The following FAM13A variants were observed in gnomAD, a reference collection of about 807,000 sequenced individuals.
FAM13A encodes protein FAM13A.
Under a neutral mutation model 129.6 loss-of-function variants are expected in FAM13A, and 76 were observed. The observed-to-expected ratio is 0.59, with a 90% confidence interval of 0.49 to 0.71. FAM13A has a LOEUF of 0.71. Among genes scored for constraint, FAM13A ranks in the 30% least tolerant of loss-of-function variants. FAM13A has a pLI of 0.00. For missense variants in FAM13A, 1,108 were observed against 1,249.3 expected (o/e 0.89, Z 1.70); for synonymous variants, 443 against 449.9 (o/e 0.98, Z 0.20).
intron 6 of FAM13A, among the ~76,000 whole-genome samples, chr4:88,894,607 A>C (rs1488962416): frequency 6.6e-6 from 1 of 152,178 alleles, no homozygotes; most frequent in East Asian, 1.9e-4. Context: ...CTGCAACCTC[A>C]GCCTCCCAGG....
chr4:88,726,201 A>G lies in FAM13A; in HGVS notation c.*2332T>C, dbSNP rs781015843. The G allele has an allele frequency of 2.6e-5, 4 of 152,194 alleles. No individual in the cohort carries two copies. Among genetic ancestry groups the G allele is most frequent in the African/African-American group, 4.8e-5 (2 of 41,446 alleles). 9.4% of individuals were successfully genotyped at this position (152,194 alleles called of 1,614,324 possible). ...ACACATCTCCCTCGGCAGAGCCAGA[A>G]ACCACTGACTGACTGACTAACAAAC... On this transcript the variant is annotated 3_prime_UTR_variant, in exon 24 of 24. Transcript: ENST00000264344.
intron 6 of FAM13A, among the ~76,000 whole-genome samples, chr4:88,858,643 G>A (rs1180973994): frequency 6.6e-6 from 1 of 152,110 alleles, no homozygotes; most frequent in Non-Finnish European, 1.5e-5. Flanking sequence ...AGAAACAAAA[G>A]GACACATATT....
chr4:88,961,347 CTTTTTTTTTTTTTTTTTTTTTTTT>C (rs773764813), intron 4 of FAM13A, among the ~76,000 whole-genome samples: 18 of 55,426 alleles, frequency 3.2e-4, no homozygotes, highest in Non-Finnish European at 5.4e-4. Flanking sequence ...TGGAATTTGC[CTTTTTTTTTTTTTTTTTTTTTTTT>C]TTTTTTTTTT....
Position 88,752,685 on chromosome 4 carries a change from C to T in FAM13A, c.1727-2048G>A, listed in dbSNP as rs181058786. On this transcript the variant is annotated intron_variant, in intron 14 of 23. Coordinates refer to ENST00000264344, the MANE Select transcript of FAM13A (RefSeq NM_014883.4). The stretch of plus-strand genomic sequence containing the variant: ...CTAAGTGGTAGGACTTGGGCACAAG[C>T]AGCTCAAAACGCCAACATAAAAGAA... Among the ~76,000 whole-genome samples the T allele has an allele frequency of 4.9e-3, 750 of 152,172 alleles. 2 individuals carry two copies. Among genetic ancestry groups the T allele is most frequent in the Middle Eastern group, 0.014 (4 of 294 alleles).
chr4:88,906,243 G>A (rs1258121671), intron 6 of FAM13A, 136 bp downstream of exon 6: 2 of 626,240 alleles, frequency 3.2e-6, no homozygotes, highest in African/African-American at 1.9e-5. Context: ...AGCTGAGATT[G>A]CGCCACTGCA....
chr4:88,904,697 G>C lies in FAM13A; in HGVS notation c.843+1682C>G, dbSNP rs956921536. 2.6e-5 allele frequency among the ~76,000 whole-genome samples: 4 copies of C among 152,140 alleles called. No homozygotes were observed. The East Asian group carries it at 7.7e-4, about 29-fold the overall frequency. On this transcript the variant is annotated intron_variant, in intron 6 of 23. Transcript: ENST00000264344. ...ATACCTAGGTGATGGTAGGAGATCTGTGCAGCAAACCACCATGGCACACCT... is the reference window on the plus strand; with the variant it reads ...ATACCTAGGTGATGGTAGGAGATCTCTGCAGCAAACCACCATGGCACACCT...
At chr4:89,010,261 T>C (rs148760899) in intron 3 of FAM13A, among the ~76,000 whole-genome samples, 1 of 152,324 alleles carries the variant, frequency 6.6e-6, no homozygotes, top group East Asian at 1.9e-4. Flanking sequence ...TCTGTCCCCA[T>C]TCCTTTGGAG....
chr4:89,030,149 A>G (rs1465789368), intron 1 of FAM13A, among the ~76,000 whole-genome samples: 3 of 152,102 alleles, frequency 2.0e-5, no homozygotes, highest in Non-Finnish European at 2.9e-5. Context: ...ATTTGATTAC[A>G]TCTGTAAATA....
chr4:88,774,043 A>G (rs1721208092), intron 11 of FAM13A, among the ~76,000 whole-genome samples: 1 of 151,836 alleles, frequency 6.6e-6, no homozygotes. Context: ...GCTCCTCTCA[A>G]CTCTGTTCTA....
intron 5 of FAM13A, chr4:88,937,708 T>C (rs1283841325): frequency 8.9e-6 from 2 of 224,546 alleles, no homozygotes; most frequent in Non-Finnish European, 1.7e-5. Flanking sequence ...CACAGTAATA[T>C]TGTCTTCAGG....
chr4:88,886,373 G>A (rs1301250435), intron 6 of FAM13A, among the ~76,000 whole-genome samples: 1 of 152,098 alleles, frequency 6.6e-6, no homozygotes, highest in East Asian at 1.9e-4. Flanking sequence ...CAGATCACCT[G>A]AGGTCAGGAG....
chr4:89,054,227 G>A (rs964173236), intron 1 of FAM13A, among the ~76,000 whole-genome samples: 1 of 151,908 alleles, frequency 6.6e-6, no homozygotes, highest in Admixed American at 6.6e-5. Flanking sequence ...TAGAAACTGA[G>A]TTTATTGGAA....
intron 4 of FAM13A, among the ~76,000 whole-genome samples, chr4:88,951,795 T>C (rs1046653172): frequency 2.0e-5 from 3 of 152,162 alleles, no homozygotes; most frequent in Non-Finnish European, 4.4e-5. Flanking sequence ...CAGCATTTAT[T>C]AGAGTCTCTT....
intron 6 of FAM13A, among the ~76,000 whole-genome samples, chr4:88,883,944 C>T (rs1404632519): frequency 2.6e-5 from 4 of 151,870 alleles, no homozygotes; most frequent in African/African-American, 4.8e-5. Flanking sequence ...AACAGACAAC[C>T]CTCCTAGATT....
intron 7 of FAM13A, chr4:88,823,019 T>C: frequency 3.1e-6 from 5 of 1,613,602 alleles, no homozygotes; most frequent in Non-Finnish European, 4.2e-6. Flanking sequence ...GTATGTAAAT[T>C]TGCAAGGGAA....
rs1351278761 is a variant in FAM13A, at chr4:88,796,913, C to T, written c.1050-6286G>A. 6.6e-5 allele frequency among the ~76,000 whole-genome samples: 10 copies of T among 151,990 alleles called. No homozygotes were observed. In the East Asian group the frequency reaches 1.7e-3, roughly 26 times the overall value. On this transcript the variant is annotated intron_variant, in intron 8 of 23. Transcript: ENST00000264344. ...CCTATGCACAATTCTACTATGGTTG[C>T]TTCTCATGCCCATATTTCTCTCATT...
chr4:88,803,512 C>T (rs1412669420), intron 8 of FAM13A, among the ~76,000 whole-genome samples: 2 of 151,768 alleles, frequency 1.3e-5, no homozygotes, highest in African/African-American at 4.8e-5. Flanking sequence ...GTCTCCTATA[C>T]TATGTAAAAC....
At chr4:88,924,635 T>A (rs1480952712) in intron 5 of FAM13A, among the ~76,000 whole-genome samples, 2 of 152,156 alleles carry the variant, frequency 1.3e-5, no homozygotes, top group African/African-American at 4.8e-5. Flanking sequence ...ATTCAGGACA[T>A]AGGCATGGGC....
chr4:88,946,098 T>C (rs1025302454), intron 4 of FAM13A, among the ~76,000 whole-genome samples: 1 of 147,156 alleles, frequency 6.8e-6, no homozygotes, highest in Admixed American at 6.9e-5. Context: ...CCATAGTACA[T>C]GCCATACCTT....
Sources: gnomAD v4.1 joint callset for allele counts (sites outside exome capture counted in the v4.1 genomes callset) on GRCh38, gnomAD v4.1.1 for gene constraint, MANE v1.5 for transcripts, NCBI Gene and HGNC (gene_info 2026-07-23, HGNC 2026-07-21) for gene names.